ATXN1L: variants seen among roughly 807,000 people sequenced by gnomAD.
ATXN1L encodes the protein ataxin 1 like.
Under a neutral mutation model 43.4 loss-of-function variants are expected in ATXN1L, and 8 were observed. The ratio of observed to expected loss-of-function variants is 0.18; its 90% CI spans 0.11 to 0.33. The LOEUF is 0.33. Among genes scored for constraint, ATXN1L ranks in the 10% least tolerant of loss-of-function variants. The probability of loss-of-function intolerance (pLI) is 1.00; values close to 1 mark genes in which losing one functional copy is unlikely to be tolerated. For synonymous variants in ATXN1L, 379 were observed against 360.6 expected (o/e 1.05, Z -0.58); for missense variants, 856 against 885.4 (o/e 0.97, Z 0.42).
chr16:71,848,188 GT>G, intron 2 of ATXN1L, 117 bp downstream of exon 2: 2 of 403,826 alleles, frequency 5.0e-6, no homozygotes. Context: ...CTGGAACCTG[GT>G]TGGAAGAAAT....
Position 71,850,917 on chromosome 16 carries a change from C to T in ATXN1L, c.1177C>T (p.Arg393Cys), listed in dbSNP as rs770410015. The T allele has an allele frequency of 9.0e-6, 14 of 1,551,462 alleles. No individual in the cohort carries two copies. The highest frequency in any genetic ancestry group is 1.4e-5 in the African/African-American group (1 of 73,028). ...AGAGCTGGCAGAGAAAAGTCAGGCC[C>T]GTGGGTTCTACCCTCAGTCCCATCA... ...PAELAEKSQARGFYPQSHQEP... is the reference protein window; with the variant it reads ...PAELAEKSQACGFYPQSHQEP... Residue 393 changes from arginine to cysteine, a missense_variant, in exon 3 of 3, where the codon CGT (arginine) becomes TGT (cysteine). By Grantham distance (180) the Arg-to-Cys change is radical (BLOSUM62 -3). Coordinates refer to ENST00000427980, the MANE Select transcript of ATXN1L (RefSeq NM_001137675.4).
At position 71,851,096 on chromosome 16, in the gene ATXN1L, C is replaced by G. The variant is rs941346391; in HGVS notation, c.1356C>G (p.Asp452Glu). The G allele has an allele frequency of 1.3e-6, 2 of 1,551,608 alleles. No homozygotes were observed. Among genetic ancestry groups the G allele is most frequent in the Non-Finnish European group, 1.7e-6 (2 of 1,146,950 alleles). The change falls in exon 3 of 3, where the codon GAC (aspartate) becomes GAG (glutamate). Residue 452 changes from aspartate (D) to glutamate (E), a missense_variant. Coordinates refer to ENST00000427980, the MANE Select transcript of ATXN1L (RefSeq NM_001137675.4). This position sits in a 1 kb window ranked among gnomAD's most constrained non-coding sequence, Gnocchi z 4.9. ...TGCAGGCCAGAGCCACCTTCCCAGA[C>G]AAGGAGCCAACGCCGCCCCCCATTA... is the stretch of plus-strand genomic sequence containing the variant. ...LDVQARATFP[D>E]KEPTPPPITS...
rs1284711183 is a variant in ATXN1L, at chr16:71,851,023, G to A, written c.1283G>A (p.Gly428Asp). Reference protein sequence around the residue: ...GNLVPTGTDSGLLPVGSEILV... With the variant: ...GNLVPTGTDSDLLPVGSEILV... ...CTGGTGCCCACTGGAACTGACTCAG[G>A]CCTGCTGCCTGTGGGCTCGGAGATC... Residue 428 changes from glycine (G) to aspartate (D), a missense_variant, in exon 3 of 3, where the codon GGC becomes GAC. Coordinates refer to ENST00000427980, the MANE Select transcript of ATXN1L (RefSeq NM_001137675.4). This position sits in a 1 kb window ranked among gnomAD's most constrained non-coding sequence, Gnocchi z 4.9. 22 of 1,551,540 alleles carry A rather than the reference G, an allele frequency of 1.4e-5. No homozygotes were observed. Among genetic ancestry groups the A allele is most frequent in the Non-Finnish European group, 1.8e-5 (21 of 1,146,994 alleles).
rs1339995302 is a variant in ATXN1L at position 71,850,005 on chromosome 16, C to T, written c.265C>T (p.Pro89Ser). ...CATGCTGTATAAGGTGGCTGTGCCG[C>T]CTGCCACCTTTTCACCAACTGGACT... ...YGMLYKVAVP[P>S]ATFSPTGLPS... The change falls in exon 3 of 3, where the codon CCT becomes TCT. Residue 89 changes from proline (P) to serine (S), a missense_variant. Transcript: ENST00000427980. The T allele has an allele frequency of 6.4e-7, 1 of 1,551,688 alleles. No homozygotes were observed. The highest frequency in any genetic ancestry group is 2.0e-5 in the Admixed American group (1 of 50,994).
Position 71,850,863 on chromosome 16 carries a change from G to A in ATXN1L, c.1123G>A (p.Glu375Lys). Residue 375 changes from glutamate (E) to lysine (K), a missense_variant, in exon 3 of 3, where the codon GAG becomes AAG. Coordinates refer to ENST00000427980, the MANE Select transcript of ATXN1L (RefSeq NM_001137675.4). ...LSHHTPDHQG[E>K]GRGSARNPAE... ...CCATCATACCCCCGACCATCAGGGT[G>A]AGGGGCGAGGGTCAGCCAGGAACCC... 1 of 1,551,742 alleles carries A rather than the reference G, an allele frequency of 6.4e-7. No individual in the cohort carries two copies. Among genetic ancestry groups the A allele is most frequent in the Non-Finnish European group, 8.7e-7 (1 of 1,147,000 alleles).
rs1254983904 is a variant in ATXN1L at position 71,856,505 on chromosome 16, A to T, written c.*4695A>T. The stretch of plus-strand genomic sequence containing the variant: ...CCCACCCCCTGGGCAGGGAGTTTGC[A>T]CGTAGTTGTGAGCTGTGAGTGGTTA... On this transcript the variant is annotated 3_prime_UTR_variant, in exon 3 of 3. Coordinates refer to ENST00000427980, the MANE Select transcript of ATXN1L (RefSeq NM_001137675.4). 1 of 167,298 alleles carries T rather than the reference A, an allele frequency of 6.0e-6. No individual in the cohort carries two copies. The highest frequency in any genetic ancestry group is 2.4e-5 in the African/African-American group (1 of 41,570). 10.4% of individuals were successfully genotyped at this position (167,298 alleles called of 1,614,324 possible).
In ATXN1L at chr16:71,848,107, A is replaced by G. The variant is rs1351770451; in HGVS notation, c.-118+36A>G. The G allele has an allele frequency of 2.9e-5, 13 of 454,974 alleles. No homozygotes were observed. In the East Asian group the frequency reaches 8.3e-4, roughly 29 times the overall value. The allele number at this position is 454,974 out of a possible 1,614,324, so 28.2% of individuals were successfully genotyped here. A position where few individuals can be genotyped will look rare whatever the true frequency, so the allele number is the denominator to read the frequency against. Reference sequence around the variant, plus strand: ...CACTTTGAATTCCTTGTTTCAGGAAAATATCTGGGATGTCACAGTGGAAAA... The same window carrying G: ...CACTTTGAATTCCTTGTTTCAGGAAGATATCTGGGATGTCACAGTGGAAAA... On this transcript the variant is annotated intron_variant, in intron 2 of 2. Coordinates refer to ENST00000427980, the MANE Select transcript of ATXN1L (RefSeq NM_001137675.4).
Position 71,850,294 on chromosome 16 carries a change from C to G in ATXN1L, c.554C>G (p.Ala185Gly). 6.4e-7 allele frequency: 1 copy of G among 1,551,560 alleles called. No individual in the cohort carries two copies. The highest frequency in any genetic ancestry group is 2.4e-5 in the East Asian group (1 of 40,928). The change falls in exon 3 of 3, where the codon GCC (alanine) becomes GGC (glycine). Residue 185 changes from alanine to glycine, a missense_variant. Physicochemically the swap from Ala to Gly is moderately conservative, Grantham distance 60 (BLOSUM62 0). Coordinates refer to ENST00000427980, the MANE Select transcript of ATXN1L (RefSeq NM_001137675.4). ...TATGCCTCACTTCTGGCTGAAGGAGCCACTCCTCCCCCACAGGCTCCCTCC... is the reference window on the plus strand; with the variant it reads ...TATGCCTCACTTCTGGCTGAAGGAGGCACTCCTCCCCCACAGGCTCCCTCC... ...VPYASLLAEG[A>G]TPPPQAPSPA... is the part of the protein sequence containing the mutation.
chr16:71,851,104 C>T lies in ATXN1L; in HGVS notation c.1364C>T (p.Pro455Leu). 1 of 1,551,600 alleles carries T rather than the reference C, an allele frequency of 6.4e-7. No homozygotes were observed. The highest frequency in any genetic ancestry group is 8.7e-7 in the Non-Finnish European group (1 of 1,146,950). The change falls in exon 3 of 3, where the codon CCA becomes CTA. Residue 455 changes from proline (P) to leucine (L), a missense_variant. Physicochemically the swap from Pro to Leu is moderately conservative, Grantham distance 98 (BLOSUM62 -3). Around this residue, in one of 7 missense-constraint regions of ATXN1L, gnomAD observed 490 missense variants for 449.4 expected, o/e 1.09. Coordinates refer to ENST00000427980, the MANE Select transcript of ATXN1L (RefSeq NM_001137675.4). The surrounding 1 kb of genome is among the most constrained non-coding windows in gnomAD (Gnocchi z 4.9). ...AGAGCCACCTTCCCAGACAAGGAGC[C>T]AACGCCGCCCCCCATTACCTCCTCT... ...QARATFPDKE[P>L]TPPPITSSHL... is the part of the protein sequence containing the mutation.
Position 71,852,603 on chromosome 16 carries a change from A to G in ATXN1L, c.*793A>G, listed in dbSNP as rs990670065. 2 of 167,146 alleles carry G rather than the reference A, an allele frequency of 1.2e-5. No individual in the cohort carries two copies. Among genetic ancestry groups the G allele is most frequent in the African/African-American group, 4.8e-5 (2 of 41,458 alleles). 10.4% of individuals were successfully genotyped at this position (167,146 alleles called of 1,614,324 possible). A position where few individuals can be genotyped will look rare whatever the true frequency, so the allele number is the denominator to read the frequency against. On this transcript the variant is annotated 3_prime_UTR_variant, in exon 3 of 3. Transcript: ENST00000427980. ...TTCTAGGCAGGCCCTCTGGAAAGGTAGCTCACCTAACAAAGCTCCTCCATC... is the reference window on the plus strand; with the variant it reads ...TTCTAGGCAGGCCCTCTGGAAAGGTGGCTCACCTAACAAAGCTCCTCCATC...
At position 71,856,080 on chromosome 16, in the gene ATXN1L, T is replaced by C. The variant is rs1423234835; in HGVS notation, c.*4270T>C. Reference sequence around the variant, plus strand: ...AGGATGACACTGGCCCCAGAGATGCTAGAGTCGACTGCACTCTCTCCTTAG... The same window carrying C: ...AGGATGACACTGGCCCCAGAGATGCCAGAGTCGACTGCACTCTCTCCTTAG... On this transcript the variant is annotated 3_prime_UTR_variant, in exon 3 of 3. Coordinates refer to ENST00000427980, the MANE Select transcript of ATXN1L (RefSeq NM_001137675.4). 2 of 167,084 alleles carry C rather than the reference T, an allele frequency of 1.2e-5. No homozygotes were observed. The highest frequency in any genetic ancestry group is 2.4e-5 in the African/African-American group (1 of 41,436). 10.4% of individuals were successfully genotyped at this position (167,084 alleles called of 1,614,324 possible).
At position 71,851,872 on chromosome 16, in the gene ATXN1L, G is replaced by T; in HGVS notation, c.*62G>T. The T allele has an allele frequency of 1.4e-6, 2 of 1,380,448 alleles. No individual in the cohort carries two copies. The highest frequency in any genetic ancestry group is 1.9e-6 in the Non-Finnish European group (2 of 1,059,890). 85.5% of individuals were successfully genotyped at this position (1,380,448 alleles called of 1,614,324 possible). A position where few individuals can be genotyped will look rare whatever the true frequency, so the allele number is the denominator to read the frequency against. On this transcript the variant is annotated 3_prime_UTR_variant, in exon 3 of 3. Transcript: ENST00000427980. The surrounding 1 kb of genome is among the most constrained non-coding windows in gnomAD (Gnocchi z 4.9). ...GAGCCTCGCCTCGCCGCCGTGAGCA[G>T]GCAGAGGATTTGCACACGCCGAGCA... is the stretch of plus-strand genomic sequence containing the variant.
chr16:71,847,666 C>T (rs1312142853), intron 1 of ATXN1L, among the ~76,000 whole-genome samples: 1 of 151,922 alleles, frequency 6.6e-6, no homozygotes, highest in Non-Finnish European at 1.5e-5. Context: ...TTAAAGCTTC[C>T]ATTTTTATTT....
At chr16:71,847,458 CT>C (rs2033454762) in intron 1 of ATXN1L, among the ~76,000 whole-genome samples, 3 of 151,878 alleles carry the variant, frequency 2.0e-5, no homozygotes, top group African/African-American at 7.3e-5. Context: ...CTGAAAATCT[CT>C]TAATAAGTCT....
In ATXN1L at chr16:71,851,205, C is replaced by G; in HGVS notation, c.1465C>G (p.Gln489Glu). ...AGAGCTGAAGCGGGTGGAGGACCTC[C>G]AGACCCAGGATTTTGTGCGCAGTGC... ...TGELKRVEDLQTQDFVRSAEV... is the reference protein window; with the variant it reads ...TGELKRVEDLETQDFVRSAEV... The change falls in exon 3 of 3, where the codon CAG (glutamine) becomes GAG (glutamate). Residue 489 changes from glutamine (Q) to glutamate (E), a missense_variant. Gln to Glu is a conservative substitution (Grantham distance 29). Transcript: ENST00000427980. This position sits in a 1 kb window ranked among gnomAD's most constrained non-coding sequence, Gnocchi z 4.9. The G allele has an allele frequency of 6.4e-7, 1 of 1,551,666 alleles. No homozygotes were observed. The highest frequency in any genetic ancestry group is 8.7e-7 in the Non-Finnish European group (1 of 1,146,992).
rs2033484590 is a variant in ATXN1L, at chr16:71,850,291, G to A, written c.551G>A (p.Gly184Glu). Residue 184 changes from glycine to glutamate, a missense_variant, in exon 3 of 3, where the codon GGA (glycine) becomes GAA (glutamate). By Grantham distance (98) the Gly-to-Glu change is moderately conservative. Around this residue, in one of 7 missense-constraint regions of ATXN1L, gnomAD observed 490 missense variants for 449.4 expected, o/e 1.09. Transcript: ENST00000427980. ...CCATATGCCTCACTTCTGGCTGAAGGAGCCACTCCTCCCCCACAGGCTCCC... is the reference window on the plus strand; with the variant it reads ...CCATATGCCTCACTTCTGGCTGAAGAAGCCACTCCTCCCCCACAGGCTCCC... The part of the protein sequence containing the change: ...FVPYASLLAE[G>E]ATPPPQAPSP... 5 of 1,551,546 alleles carry A rather than the reference G, an allele frequency of 3.2e-6. No individual in the cohort carries two copies. In the South Asian group the frequency reaches 5.9e-5, roughly 18 times the overall value.
In ATXN1L at chr16:71,851,471, C is replaced by T; in HGVS notation, c.1731C>T (p.Cys577=). The T allele has an allele frequency of 1.9e-6, 3 of 1,551,622 alleles. No individual in the cohort carries two copies. Among genetic ancestry groups the T allele is most frequent in the African/African-American group, 2.7e-5 (2 of 73,166 alleles). The change falls in exon 3 of 3, where the codon TGC becomes TGT. Residue 577 remains cysteine (C), a synonymous_variant. Transcript: ENST00000427980. The surrounding 1 kb of genome is among the most constrained non-coding windows in gnomAD (Gnocchi z 4.9). ...ATCGGCTACAGGTGGGAGATGTCTG[C>T]ATCTCTATCAGTTTACAGAGCTTGA... ...PCHRLQVGDV[C]ISISLQSLNS...
rs1248809182 is a variant in ATXN1L at position 71,846,055 on chromosome 16, C to T, written c.-229C>T. On this transcript the variant is annotated 5_prime_UTR_variant, in exon 1 of 3. Coordinates refer to ENST00000427980, the MANE Select transcript of ATXN1L (RefSeq NM_001137675.4). ...GGGATGGCGGCGGCCGCGGTTGCGG[C>T]GGCTCCGGGACGAGTGAGTGGATCC... is the stretch of plus-strand genomic sequence containing the variant. The T allele has an allele frequency of 1.6e-5, 3 of 189,230 alleles. No individual in the cohort carries two copies. The highest frequency in any genetic ancestry group is 2.2e-5 in the Non-Finnish European group (2 of 89,410). The allele number at this position is 189,230 out of a possible 1,614,324, so 11.7% of individuals were successfully genotyped here.
Position 71,850,466 on chromosome 16 carries a change from G to T in ATXN1L, c.726G>T (p.Leu242Phe), listed in dbSNP as rs140112104. ...QMSRLPAGYTLHETPPAGASP... is the reference protein window; with the variant it reads ...QMSRLPAGYTFHETPPAGASP... ...CCAGGCTACCTGCTGGGTATACTTT[G>T]CATGAAACCCCTCCAGCAGGTGCCA... Residue 242 changes from leucine to phenylalanine, a missense_variant, in exon 3 of 3, where the codon TTG (leucine) becomes TTT (phenylalanine). Leu to Phe is a conservative substitution (Grantham distance 22). Around this residue, in one of 7 missense-constraint regions of ATXN1L, gnomAD observed 490 missense variants for 449.4 expected, o/e 1.09. Coordinates refer to ENST00000427980, the MANE Select transcript of ATXN1L (RefSeq NM_001137675.4). 4,243 of 1,551,724 alleles carry T rather than the reference G, an allele frequency of 2.7e-3. 7 individuals carry two copies. Among genetic ancestry groups the T allele is most frequent in the Middle Eastern group, 7.8e-3 (47 of 5,992 alleles).
Sources: allele counts gnomAD v4.1 joint callset (sites outside exome capture counted in the v4.1 genomes callset), GRCh38; gene constraint gnomAD v4.1.1; regional missense constraint gnomAD v4.1.1; non-coding constraint Gnocchi (gnomAD v3.1); transcripts MANE v1.5; gene names NCBI Gene and HGNC (gene_info 2026-07-23, HGNC 2026-07-21).